Variants in TNFSF11 observed in about 807,000 individuals in gnomAD.
The protein encoded by TNFSF11 is TNF superfamily member 11, also known as tumor necrosis factor ligand superfamily member 11.
A neutral mutation model predicts 32.2 loss-of-function variants in TNFSF11; 12 were observed. That is an observed-to-expected ratio of 0.37 (90% CI 0.24 to 0.60). TNFSF11 has a LOEUF of 0.60. Ranked by LOEUF, TNFSF11 falls within the 20% of genes least tolerant of loss-of-function variation. The pLI is 0.66. For missense variants in TNFSF11, 345 were observed against 398.0 expected, an observed-to-expected ratio of 0.87 and a Z score of 1.13; for synonymous variants, 172 against 152.1, an observed-to-expected ratio of 1.13 and a Z score of -0.96.
chr13:42,562,771 G>C (rs200207793), exon 1 of TNFSF11: 3 of 152,134 alleles, frequency 2.0e-5, no homozygotes, highest in African/African-American at 7.2e-5. Context: ...CTGCCTCTCT[G>C]GTGGCATAGC....
chr13:42,591,166 C>T (rs951847055), intron 2 of TNFSF11, among the ~76,000 whole-genome samples: 6 of 152,030 alleles, frequency 3.9e-5, no homozygotes, highest in East Asian at 3.9e-4. Flanking sequence ...AGTGGTGGTG[C>T]GGAGTGTGTA....
chr13:42,565,863 G>A (rs892707051), intron 1 of TNFSF11, among the ~76,000 whole-genome samples: 3 of 152,138 alleles, frequency 2.0e-5, no homozygotes, highest in Non-Finnish European at 4.4e-5. Context: ...AGCCATTTTA[G>A]TACTTAGGCA....
chr13:42,577,151 T>C (rs1009741957), intron 1 of TNFSF11, among the ~76,000 whole-genome samples: 8 of 152,208 alleles, frequency 5.3e-5, no homozygotes, highest in Admixed American at 3.3e-4. Context: ...TAGTTTACAG[T>C]TAAAAATGAC....
intron 1 of TNFSF11, among the ~76,000 whole-genome samples, chr13:42,575,181 C>T (rs1421567727): frequency 1.3e-5 from 2 of 152,138 alleles, no homozygotes; most frequent in South Asian, 4.2e-4. Flanking sequence ...GGGACAGCCC[C>T]ACGTGCCTGC....
At chr13:42,564,538 G>T (rs1872800703) in intron 1 of TNFSF11, among the ~76,000 whole-genome samples, 1 of 151,526 alleles carries the variant, frequency 6.6e-6, no homozygotes, top group East Asian at 1.9e-4. Context: ...TTGCACTTCA[G>T]CCTGGGCAAC....
At chr13:42,594,992 T>C (rs1273956638) in intron 2 of TNFSF11, among the ~76,000 whole-genome samples, 1 of 152,230 alleles carries the variant, frequency 6.6e-6, no homozygotes, top group Non-Finnish European at 1.5e-5. Flanking sequence ...TGTTTAAATG[T>C]ACTCTGACAG....
At chr13:42,603,994 T>A (rs1397874219) in intron 4 of TNFSF11, among the ~76,000 whole-genome samples, 14 of 152,162 alleles carry the variant, frequency 9.2e-5, no homozygotes, top group Non-Finnish European at 2.1e-4. Context: ...ATGACTTACC[T>A]AACAATGGGA....
chr13:42,577,330 T>C (rs1873369499), intron 1 of TNFSF11, among the ~76,000 whole-genome samples: 1 of 152,156 alleles, frequency 6.6e-6, no homozygotes, highest in African/African-American at 2.4e-5. Context: ...ATAGATAAAA[T>C]TGAATCAGCC....
chr13:42,593,166 A>G (rs761334096), intron 2 of TNFSF11, among the ~76,000 whole-genome samples: 3 of 152,228 alleles, frequency 2.0e-5, no homozygotes, highest in African/African-American at 7.2e-5. Flanking sequence ...CTGATTTTGA[A>G]TAACAAAGGA....
At chr13:42,583,444 G>GAAAAAAAAAAAAAAAAAAAAAAAAAAAAA (rs71202227) in intron 2 of TNFSF11, among the ~76,000 whole-genome samples, 2 of 95,602 alleles carry the variant, frequency 2.1e-5, no homozygotes, top group African/African-American at 9.3e-5. Flanking sequence ...AAAAAGAAAG[G>GAAAAAAAAAAAAAAAAAAAAAAAAAAAAA]AAGAAAGGAA....
intron 2 of TNFSF11, among the ~76,000 whole-genome samples, chr13:42,583,417 T>TAAAAAAA (rs71747752): frequency 1.3e-3 from 32 of 24,636 alleles, no homozygotes; most frequent in South Asian, 2.5e-3. Flanking sequence ...AAGACCCTGC[T>TAAAAAAA]AAAAAAAAAA....
chr13:42,593,080 C>T (rs1256428415), intron 2 of TNFSF11, among the ~76,000 whole-genome samples: 1 of 152,144 alleles, frequency 6.6e-6, no homozygotes, highest in Admixed American at 6.5e-5. Context: ...AATCACATGA[C>T]CGGTCCCTCT....
intron 1 of TNFSF11, among the ~76,000 whole-genome samples, chr13:42,565,243 G>A (rs1201531947): frequency 6.9e-6 from 1 of 145,422 alleles, no homozygotes; most frequent in Non-Finnish European, 1.5e-5. Context: ...TTTTTCTTTA[G>A]TTTATCTGGT....
At chr13:42,598,921 G>A (rs570070709) in intron 2 of TNFSF11, among the ~76,000 whole-genome samples, 1 of 152,268 alleles carries the variant, frequency 6.6e-6, no homozygotes, top group East Asian at 1.9e-4. Flanking sequence ...AGGTCTTGAG[G>A]AAATCTTGGA....
intron 1 of TNFSF11, among the ~76,000 whole-genome samples, 195 bp downstream of exon 1, chr13:42,574,717 TCTC>T (rs1566374115): frequency 6.6e-6 from 1 of 151,636 alleles, no homozygotes; most frequent in Admixed American, 6.6e-5. Flanking sequence ...CGCACCCTGC[TCTC>T]TCTCCGCCCA....
At chr13:42,605,713 G>C (rs1258707069) in intron 4 of TNFSF11, among the ~76,000 whole-genome samples, 1 of 152,208 alleles carries the variant, frequency 6.6e-6, no homozygotes, top group Non-Finnish European at 1.5e-5. Flanking sequence ...TGGTCAGAAG[G>C]ATTGTGTGAA....
In TNFSF11 at chr13:42,607,181, G is replaced by T; in HGVS notation, c.*263G>T. The T allele has an allele frequency of 2.2e-6, 1 of 460,146 alleles. No individual in the cohort carries two copies. The highest frequency in any genetic ancestry group is 3.9e-6 in the Non-Finnish European group (1 of 258,886). 28.5% of individuals were successfully genotyped at this position (460,146 alleles called of 1,614,324 possible). ...TTAAACCAGATTGGAGCAATTACGG[G>T]GTGACCTTATGAGAAACTGCATGTG... is the stretch of plus-strand genomic sequence containing the variant. On this transcript the variant is annotated 3_prime_UTR_variant, in exon 5 of 5. Coordinates refer to ENST00000398795, the MANE Select transcript of TNFSF11 (RefSeq NM_003701.4).
At chr13:42,601,114 T>G in intron 4 of TNFSF11, 133 bp downstream of exon 4, 1 of 939,640 alleles carries the variant, frequency 1.1e-6, no homozygotes. Context: ...GGAAAGACCA[T>G]TCATCCTCAG....
At chr13:42,586,936 A>G (rs1873927732) in intron 2 of TNFSF11, among the ~76,000 whole-genome samples, 1 of 152,236 alleles carries the variant, frequency 6.6e-6, no homozygotes, top group Admixed American at 6.5e-5. Context: ...TGATATTAAG[A>G]TTAATATACC....
Sources: gnomAD v4.1 joint callset for allele counts (sites outside exome capture counted in the v4.1 genomes callset) on GRCh38, gnomAD v4.1.1 for gene constraint, MANE v1.5 for transcripts, NCBI Gene and HGNC (gene_info 2026-07-23, HGNC 2026-07-21) for gene names.